Variants in ARFGEF1 observed in about 807,000 individuals in gnomAD.
ARFGEF1 encodes brefeldin A-inhibited guanine nucleotide-exchange protein 1.
In ARFGEF1, 42 loss-of-function variants were observed where a neutral mutation model predicts 231.0. That is an observed-to-expected ratio of 0.18 (90% confidence interval 0.14 to 0.24). The LOEUF (loss-of-function observed/expected upper bound fraction) is 0.24, where lower values mean the gene tolerates loss of function less well. ARFGEF1 is among the 10% of genes least tolerant of loss of function. The pLI is 1.00. For missense variants in ARFGEF1, 1,345 were observed against 2,192.0 expected (o/e 0.61, Z 7.72); for synonymous variants, 710 against 732.3 (o/e 0.97, Z 0.49).
chr8:67,281,939 TTA>T (rs1430670147), intron 7 of ARFGEF1, among the ~76,000 whole-genome samples: 1 of 152,128 alleles, frequency 6.6e-6, no homozygotes, highest in Non-Finnish European at 1.5e-5. Flanking sequence ...AATGAACTTT[TTA>T]TGTTTCTGGA....
At chr8:67,306,145 C>T (rs1806733427) in intron 1 of ARFGEF1, among the ~76,000 whole-genome samples, 1 of 152,218 alleles carries the variant, frequency 6.6e-6, no homozygotes, top group Non-Finnish European at 1.5e-5. Context: ...AGCATCACCA[C>T]TCTTGTGCTT....
chr8:67,307,297 C>T (rs892959738), intron 1 of ARFGEF1, among the ~76,000 whole-genome samples: 2 of 152,172 alleles, frequency 1.3e-5, no homozygotes, highest in African/African-American at 4.8e-5. Flanking sequence ...GAGAATCAAA[C>T]CAGCCACCAA....
At position 67,276,081 on chromosome 8, in the gene ARFGEF1, G is replaced by T. The variant is rs765914390; in HGVS notation, c.1232C>A (p.Pro411His). The change falls in exon 9 of 39, where the codon CCT (proline) becomes CAT (histidine). Residue 411 changes from proline to histidine, a missense_variant. Pro to His is a moderately conservative substitution (Grantham distance 77). Transcript: ENST00000262215. ...TAAAATGTGGGAAAACTTAGCACCA[G>T]GTGAAGGTCCTGAAGAATTTCCAGA... ...QESGNSSGPS[P>H]GAKFSHILQK... 1.2e-6 allele frequency: 2 copies of T among 1,613,260 alleles called. No individual in the cohort carries two copies. Among genetic ancestry groups the T allele is most frequent in the South Asian group, 2.2e-5 (2 of 91,046 alleles).
At chr8:67,321,170 G>A (rs560503901) in intron 1 of ARFGEF1, among the ~76,000 whole-genome samples, 3 of 150,976 alleles carry the variant, frequency 2.0e-5, no homozygotes, top group African/African-American at 7.3e-5. Flanking sequence ...TATGGGGGGG[G>A]GTTTGGGGGT....
chr8:67,197,596 T>C (rs1460858988), downstream of ARFGEF1: 3 of 982,596 alleles, frequency 3.1e-6, no homozygotes. Flanking sequence ...AAAATGTCTT[T>C]TCCATAGTTG....
intron 34 of ARFGEF1, among the ~76,000 whole-genome samples, chr8:67,205,898 TTAAAA>T (rs1163880387): frequency 1.3e-5 from 2 of 148,548 alleles, no homozygotes; most frequent in Admixed American, 6.7e-5. Context: ...ATAAATAAAA[TTAAAA>T]TAAAAAAATA....
rs753051376 is a variant in ARFGEF1, at chr8:67,271,789, T to C, written c.1485A>G (p.Ser495=). ...LCVALSKNGV[S]SVPEVFELSL... is the part of the protein sequence containing the mutation. ...AAAGCTCAAAAACCTCTGGAACAGA[T>C]GAGACTCCATTTTTTGAGAGTGCAA... The change falls in exon 10 of 39, where the codon TCA becomes TCG. Residue 495 remains serine, a synonymous_variant. Transcript: ENST00000262215. 7 of 1,613,752 alleles carry C rather than the reference T, an allele frequency of 4.3e-6. No individual in the cohort carries two copies. The highest frequency in any genetic ancestry group is 2.7e-5 in the African/African-American group (2 of 74,924).
chr8:67,224,235 T>C (rs1839297390), intron 29 of ARFGEF1, among the ~76,000 whole-genome samples: 1 of 152,116 alleles, frequency 6.6e-6, no homozygotes, highest in Admixed American at 6.6e-5. Context: ...ACGGTGGGTT[T>C]AGAGGTTGAC....
intron 6 of ARFGEF1, 54 bp from the exon 7 acceptor site, chr8:67,288,119 T>C: frequency 8.5e-7 from 1 of 1,172,628 alleles, no homozygotes. Context: ...TGGAAGCTTT[T>C]TACTAAACAT....
At chr8:67,278,680 T>C (rs1441617656) in intron 7 of ARFGEF1, among the ~76,000 whole-genome samples, 1 of 152,088 alleles carries the variant, frequency 6.6e-6, no homozygotes, top group African/African-American at 2.4e-5. Flanking sequence ...ACCTCGTCTC[T>C]ACTAAAAATA....
intron 34 of ARFGEF1, among the ~76,000 whole-genome samples, chr8:67,206,558 G>C (rs904383077): frequency 2.6e-5 from 4 of 152,130 alleles, no homozygotes; most frequent in African/African-American, 9.7e-5. Flanking sequence ...GTTCAACAGG[G>C]CGTTTCTGAT....
At chr8:67,278,709 G>T (rs775224674) in intron 7 of ARFGEF1, among the ~76,000 whole-genome samples, 1 of 152,110 alleles carries the variant, frequency 6.6e-6, no homozygotes, top group Non-Finnish European at 1.5e-5. Flanking sequence ...AGCTGGGCAC[G>T]GTGGCGGGTG....
intron 1 of ARFGEF1, among the ~76,000 whole-genome samples, chr8:67,342,171 A>G (rs947114986): frequency 6.6e-6 from 1 of 152,192 alleles, no homozygotes; most frequent in Non-Finnish European, 1.5e-5. Context: ...AGTGCTATAA[A>G]GTGTAAACAT....
chr8:67,181,315 G>A (rs956804531), intron 5 of ARFGEF1, among the ~76,000 whole-genome samples: 1 of 149,884 alleles, frequency 6.7e-6, no homozygotes, highest in African/African-American at 2.5e-5. Flanking sequence ...TGGGATTACA[G>A]GCATGAGCCA....
intron 34 of ARFGEF1, 136 bp downstream of exon 34, chr8:67,211,345 CAA>C (rs375793043): frequency 0.043 from 10,571 of 243,176 alleles, no homozygotes; most frequent in Middle Eastern, 0.067. Flanking sequence ...AACTCCGTCT[CAA>C]AAAAAAAAAA....
chr8:67,253,322 T>C (rs1840356457), intron 18 of ARFGEF1, 129 bp downstream of exon 18: 5 of 540,942 alleles, frequency 9.2e-6, no homozygotes. Flanking sequence ...GTGATCCTTC[T>C]GCTTCAGCCT....
At chr8:67,190,477 T>G (rs929455299) in intron 5 of ARFGEF1, among the ~76,000 whole-genome samples, 1 of 152,156 alleles carries the variant, frequency 6.6e-6, no homozygotes, top group African/African-American at 2.4e-5. Flanking sequence ...AAAGTGATGA[T>G]TGTACAACTC....
At chr8:67,297,473 G>A (rs1294967363) in intron 4 of ARFGEF1, among the ~76,000 whole-genome samples, 2 of 152,152 alleles carry the variant, frequency 1.3e-5, no homozygotes, top group Non-Finnish European at 2.9e-5. Context: ...CCAGCTACTT[G>A]GAAGGCTGAG....
At chr8:67,193,652 A>G (rs1400538627), downstream of ARFGEF1, 1 of 1,528,554 alleles carries the variant, frequency 6.5e-7, no homozygotes, top group Non-Finnish European at 9.0e-7. Flanking sequence ...ATGAACTTTT[A>G]AACTTTCTTA....
Sources: gnomAD v4.1 joint callset for allele counts (sites outside exome capture counted in the v4.1 genomes callset) on GRCh38, gnomAD v4.1.1 for gene constraint, MANE v1.5 for transcripts, NCBI Gene and HGNC (gene_info 2026-07-23, HGNC 2026-07-21) for gene names.